The following BTBD9 variants were observed in gnomAD, a reference collection of about 807,000 sequenced individuals.
BTBD9 encodes the protein BTB/POZ domain-containing protein 9.
A neutral mutation model predicts 64.3 loss-of-function variants in BTBD9; 49 were observed. The ratio of observed to expected loss-of-function variants is 0.76; its 90% CI spans 0.61 to 0.97. The LOEUF is 0.97. Among genes scored for constraint, BTBD9 ranks in the 50% least tolerant of loss-of-function variants. The pLI, the probability that BTBD9 is intolerant of heterozygous loss-of-function variation, is 0.00. For synonymous variants in BTBD9, 260 were observed against 274.7 expected (o/e 0.95, Z 0.53); for missense variants, 598 against 762.1 (o/e 0.78, Z 2.53).
intron 9 of BTBD9, among the ~76,000 whole-genome samples, chr6:38,202,209 C>T (rs1454871388): frequency 2.6e-5 from 4 of 151,578 alleles, no homozygotes; most frequent in East Asian, 1.9e-4. Flanking sequence ...CTCAGCCTCC[C>T]GAGTAGCTGG....
chr6:38,261,571 G>T (rs937841345), intron 8 of BTBD9, among the ~76,000 whole-genome samples: 1 of 152,040 alleles, frequency 6.6e-6, no homozygotes, highest in African/African-American at 2.4e-5. Context: ...CTACTTATAT[G>T]TATCTTTTTG....
At chr6:38,403,265 G>A (rs2127240942) in intron 6 of BTBD9, among the ~76,000 whole-genome samples, 1 of 152,176 alleles carries the variant, frequency 6.6e-6, no homozygotes, top group Non-Finnish European at 1.5e-5. Context: ...ACCCACAAAA[G>A]GAGAGACAAT....
At chr6:38,367,192 C>T (rs1369344603) in intron 6 of BTBD9, among the ~76,000 whole-genome samples, 2 of 152,122 alleles carry the variant, frequency 1.3e-5, no homozygotes, top group African/African-American at 4.8e-5. Context: ...AGCTCTGGCC[C>T]CGAGGGTGGC....
chr6:38,628,581 T>G lies in BTBD9; in HGVS notation c.-28+11219A>C, dbSNP rs556964012. 2.3e-4 allele frequency among the ~76,000 whole-genome samples: 35 copies of G among 152,254 alleles called. No individual in the cohort carries two copies. The South Asian group carries it at 6.6e-3, about 29-fold the overall frequency. The stretch of plus-strand genomic sequence containing the variant: ...TAGAATAAACTCCGCAGTGTAGGGT[T>G]GAAACTGGAGGTGTCAGTATGAACT... On this transcript the variant is annotated intron_variant, in intron 1 of 10. Transcript: ENST00000481247.
intron 6 of BTBD9, among the ~76,000 whole-genome samples, chr6:38,514,515 G>GT (rs1772921883): frequency 6.6e-6 from 1 of 152,054 alleles, no homozygotes; most frequent in Admixed American, 6.5e-5. Context: ...ATATGAGAAT[G>GT]AACATGAACA....
At position 38,563,194 on chromosome 6, in the gene BTBD9, T is replaced by C. The variant is rs185391899; in HGVS notation, c.1154+14406A>G. Among the ~76,000 whole-genome samples, 26 of 152,332 alleles carry C rather than the reference T, an allele frequency of 1.7e-4. No homozygotes were observed. In the South Asian group the frequency reaches 5.0e-3, roughly 29 times the overall value. ...TCTTTTTCCTCTACACTTTACTACA[T>C]TCTATTTCCTTTGGATCTAATTGGC... On this transcript the variant is annotated intron_variant, in intron 6 of 10. Transcript: ENST00000481247.
chr6:38,197,986 G>A (rs1762322645), intron 9 of BTBD9, among the ~76,000 whole-genome samples: 1 of 152,210 alleles, frequency 6.6e-6, no homozygotes, highest in African/African-American at 2.4e-5. Context: ...GGGAACAAAG[G>A]AGATTTCAGC....
At chr6:38,294,700 T>C (rs1469266476) in intron 7 of BTBD9, among the ~76,000 whole-genome samples, 2 of 151,982 alleles carry the variant, frequency 1.3e-5, no homozygotes, top group Non-Finnish European at 2.9e-5. Context: ...ATACCTAATG[T>C]AGATGATGGG....
At chr6:38,391,817 G>A (rs1453518143) in intron 6 of BTBD9, among the ~76,000 whole-genome samples, 1 of 152,140 alleles carries the variant, frequency 6.6e-6, no homozygotes, top group East Asian at 1.9e-4. Flanking sequence ...CGAACAGGCA[G>A]CTGGGTTTTT....
chr6:38,298,672 C>G (rs1762257019), intron 7 of BTBD9, among the ~76,000 whole-genome samples: 1 of 152,116 alleles, frequency 6.6e-6, no homozygotes, highest in Non-Finnish European at 1.5e-5. Context: ...ACCCCAAACA[C>G]ACACAAAACC....
At chr6:38,229,101 G>C (rs973943673) in intron 9 of BTBD9, among the ~76,000 whole-genome samples, 4 of 152,116 alleles carry the variant, frequency 2.6e-5, no homozygotes, top group Admixed American at 1.3e-4. Flanking sequence ...GGGAGGCTGA[G>C]GCAGGAGAAT....
chr6:38,631,880 G>A (rs1249828007), intron 1 of BTBD9, among the ~76,000 whole-genome samples: 1 of 152,236 alleles, frequency 6.6e-6, no homozygotes, highest in African/African-American at 2.4e-5. Context: ...TGTAATCCCA[G>A]CACTTTGGGA....
chr6:38,607,783 C>G (rs1293820597), intron 1 of BTBD9, among the ~76,000 whole-genome samples: 1 of 147,068 alleles, frequency 6.8e-6, no homozygotes, highest in Non-Finnish European at 1.5e-5. Flanking sequence ...AAAAAAAAGG[C>G]TCAATTTATA....
At chr6:38,587,962 T>C in intron 4 of BTBD9, 1 of 733,534 alleles carries the variant, frequency 1.4e-6, no homozygotes, top group South Asian at 1.4e-5. Flanking sequence ...CTGACAGCAT[T>C]GCCGCCTCCT....
At chr6:38,507,919 C>T (rs1182805272) in intron 6 of BTBD9, among the ~76,000 whole-genome samples, 1 of 151,200 alleles carries the variant, frequency 6.6e-6, no homozygotes, top group Non-Finnish European at 1.5e-5. Context: ...CTTTACGCTC[C>T]GCCTCCTAGG....
chr6:38,515,726 G>T (rs1466417394), intron 6 of BTBD9, among the ~76,000 whole-genome samples: 1 of 152,136 alleles, frequency 6.6e-6, no homozygotes, highest in Non-Finnish European at 1.5e-5. Context: ...TCTTGGTTTA[G>T]ACAAAATAAG....
At chr6:38,573,920 GA>G (rs1173267642) in intron 6 of BTBD9, among the ~76,000 whole-genome samples, 3 of 152,096 alleles carry the variant, frequency 2.0e-5, no homozygotes, top group Non-Finnish European at 4.4e-5. Context: ...AGATAACCAA[GA>G]AGACAATTTG....
At position 38,577,649 on chromosome 6, in the gene BTBD9, A is replaced by G; in HGVS notation, c.1105T>C (p.Tyr369His). ...AATTTCTGCCAAGAACGACACAGAT[A>G]TTGTGAATGATCTATCACTCTGACC... is the stretch of plus-strand genomic sequence containing the variant. ...DWVRVIDHSQ[Y>H]LCRSWQKLYF... The change falls in exon 6 of 11, where the codon TAT becomes CAT. Residue 369 changes from tyrosine (Y) to histidine (H), a missense_variant. Tyr to His is a moderately conservative substitution (Grantham distance 83). Transcript: ENST00000481247. The G allele has an allele frequency of 6.2e-7, 1 of 1,610,914 alleles. No individual in the cohort carries two copies. The highest frequency in any genetic ancestry group is 2.2e-5 in the East Asian group (1 of 44,812).
intron 8 of BTBD9, among the ~76,000 whole-genome samples, chr6:38,285,017 C>T (rs1042914672): frequency 2.0e-5 from 3 of 151,926 alleles, no homozygotes; most frequent in Admixed American, 1.3e-4. Flanking sequence ...GGGGTGCACA[C>T]GCAGGACACG....
Sources: allele counts gnomAD v4.1 joint callset (sites outside exome capture counted in the v4.1 genomes callset), GRCh38; gene constraint gnomAD v4.1.1; transcripts MANE v1.5; gene names NCBI Gene and HGNC (gene_info 2026-07-23, HGNC 2026-07-21).